Variants in PARS2 observed in about 807,000 individuals in gnomAD.
PARS2 encodes probable proline--tRNA ligase, mitochondrial.
In PARS2, 20 loss-of-function variants were observed where a neutral mutation model predicts 27.4. The ratio of observed to expected loss-of-function variants is 0.73; its 90% CI spans 0.51 to 1.06. The LOEUF (loss-of-function observed/expected upper bound fraction) is 1.06, where lower values mean the gene tolerates loss of function less well. Among genes scored for constraint, PARS2 ranks in the 50% least tolerant of loss-of-function variants. The pLI is 0.00. For missense variants in PARS2, 585 were observed against 602.1 expected (o/e 0.97, Z 0.30); for synonymous variants, 240 against 247.1 (o/e 0.97, Z 0.27).
At chr1:54,759,432 G>A (rs951067310) in intron 1 of PARS2, among the ~76,000 whole-genome samples, 4 of 152,158 alleles carry the variant, frequency 2.6e-5, no homozygotes, top group Admixed American at 6.5e-5. Flanking sequence ...GAGAGACAGC[G>A]TCATGTAGTG....
At position 54,761,178 on chromosome 1, in the gene PARS2, C is replaced by T. The variant is rs1646154785; in HGVS notation, c.-29-1988G>A. 7.2e-5 allele frequency among the ~76,000 whole-genome samples: 11 copies of T among 152,288 alleles called. No homozygotes were observed. In the South Asian group the frequency reaches 2.1e-3, roughly 29 times the overall value. Reference sequence around the variant, plus strand: ...TCCTCTAGGCCTCAGGATTACCATCCTCTCCCCAGGAAGCCTTTCTTGTCC... The same window carrying T: ...TCCTCTAGGCCTCAGGATTACCATCTTCTCCCCAGGAAGCCTTTCTTGTCC... On this transcript the variant is annotated intron_variant, in intron 1 of 1. Coordinates refer to ENST00000371279, the MANE Select transcript of PARS2 (RefSeq NM_152268.4).
chr1:54,762,690 G>T (rs1177933929), intron 1 of PARS2, among the ~76,000 whole-genome samples: 1 of 152,206 alleles, frequency 6.6e-6, no homozygotes, highest in Non-Finnish European at 1.5e-5. Context: ...ATTCAGCACA[G>T]TGCCTGGACA....
chr1:54,757,603 C>A lies in PARS2; in HGVS notation c.*131G>T. On this transcript the variant is annotated 3_prime_UTR_variant, in exon 2 of 2. Coordinates refer to ENST00000371279, the MANE Select transcript of PARS2 (RefSeq NM_152268.4). ...AAATGACTAGATAAAAATTGATTTCCCTAACATGATCTCACCCTCCATGAG... is the reference window on the plus strand; with the variant it reads ...AAATGACTAGATAAAAATTGATTTCACTAACATGATCTCACCCTCCATGAG... The A allele has an allele frequency of 1.7e-6, 1 of 604,764 alleles. No homozygotes were observed. Among genetic ancestry groups the A allele is most frequent in the Non-Finnish European group, 2.9e-6 (1 of 345,228 alleles). The allele number at this position is 604,764 out of a possible 1,614,324, so 37.5% of individuals were successfully genotyped here. A position where few individuals can be genotyped will look rare whatever the true frequency, so the allele number is the denominator to read the frequency against.
At chr1:54,763,535 A>C (rs1646168440) in intron 1 of PARS2, among the ~76,000 whole-genome samples, 1 of 152,206 alleles carries the variant, frequency 6.6e-6, no homozygotes, top group Non-Finnish European at 1.5e-5. Flanking sequence ...GCAATGATAT[A>C]ATTATCTGGA....
At chr1:54,763,270 T>C (rs774755433) in intron 1 of PARS2, among the ~76,000 whole-genome samples, 80 of 152,296 alleles carry the variant, frequency 5.3e-4, no homozygotes, top group Non-Finnish European at 8.2e-4. Flanking sequence ...AAAAATATTT[T>C]TGAGGAACTA....
intron 1 of PARS2, among the ~76,000 whole-genome samples, chr1:54,762,134 TTG>T (rs1646161240): frequency 1.4e-5 from 2 of 142,748 alleles, no homozygotes; most frequent in South Asian, 5.1e-4. Context: ...GCTGGAGGGC[TTG>T]TTTTTTTTTT....
rs567621058 is a variant in PARS2 at position 54,763,982 on chromosome 1, C to T, written c.-30+479G>A. 2.0e-5 allele frequency among the ~76,000 whole-genome samples: 3 copies of T among 152,364 alleles called. No individual in the cohort carries two copies. In the East Asian group the frequency reaches 5.8e-4, roughly 29 times the overall value. The stretch of plus-strand genomic sequence containing the variant: ...CACAGCAAATAAGCGCAGGGTCGGG[C>T]CTGGAAGGCAAGGTCCCCGCCTCCA... On this transcript the variant is annotated intron_variant, in intron 1 of 1. Coordinates refer to ENST00000371279, the MANE Select transcript of PARS2 (RefSeq NM_152268.4).
At position 54,757,224 on chromosome 1, in the gene PARS2, G is replaced by T. The variant is rs985576853; in HGVS notation, c.*510C>A. 2.0e-5 allele frequency: 3 copies of T among 152,534 alleles called. No homozygotes were observed. Among genetic ancestry groups the T allele is most frequent in the Admixed American group, 2.0e-4 (3 of 15,292 alleles). 9.4% of individuals were successfully genotyped at this position (152,534 alleles called of 1,614,324 possible). ...TCACTAGTGAGTTGGCGGCAGTCAGGTCTCTTGATTCTTTTCCCCATACTC... is the reference window on the plus strand; with the variant it reads ...TCACTAGTGAGTTGGCGGCAGTCAGTTCTCTTGATTCTTTTCCCCATACTC... On this transcript the variant is annotated 3_prime_UTR_variant, in exon 2 of 2. Transcript: ENST00000371279.
At chr1:54,761,638 A>G (rs950272418) in intron 1 of PARS2, among the ~76,000 whole-genome samples, 2 of 152,188 alleles carry the variant, frequency 1.3e-5, no homozygotes, top group South Asian at 4.1e-4. Flanking sequence ...TTTTCAGCAC[A>G]GTCCATGCAA....
intron 1 of PARS2, among the ~76,000 whole-genome samples, chr1:54,761,677 G>A (rs888839032): frequency 9.9e-5 from 15 of 152,148 alleles, no homozygotes; most frequent in African/African-American, 3.1e-4. Flanking sequence ...GCTGGGTATG[G>A]GTTGCTGATT....
At chr1:54,764,003 C>A (rs189346379) in intron 1 of PARS2, among the ~76,000 whole-genome samples, 2 of 152,240 alleles carry the variant, frequency 1.3e-5, no homozygotes, top group Non-Finnish European at 2.9e-5. Flanking sequence ...AGGTCCCCGC[C>A]TCCAAATCCT....
chr1:54,763,891 T>C (rs571545031), intron 1 of PARS2, among the ~76,000 whole-genome samples: 1 of 152,316 alleles, frequency 6.6e-6, no homozygotes, highest in African/African-American at 2.4e-5. Context: ...AGTGCTATTA[T>C]TATTATTATT....
intron 1 of PARS2, 144 bp from the exon 2 acceptor site, chr1:54,759,334 G>C (rs1197884163): frequency 1.8e-6 from 1 of 565,810 alleles, no homozygotes. Context: ...TATCCTAGCA[G>C]ATCAAAGCAC....
chr1:54,759,012 G>A lies in PARS2; in HGVS notation c.150C>T (p.Asn50=), dbSNP rs756197119. 2 of 1,614,102 alleles carry A rather than the reference G, an allele frequency of 1.2e-6. No individual in the cohort carries two copies. The highest frequency in any genetic ancestry group is 1.7e-6 in the Non-Finnish European group (2 of 1,180,046). Residue 50 remains asparagine (N), a synonymous_variant, in exon 2 of 2, where the codon AAC becomes AAT. Transcript: ENST00000371279. ...GGGAGAGCACCCGGTCTTCCCGAAG[G>A]TTCTGTGGCTGGAACACACGAGACA... The part of the protein sequence containing the change: ...LLLSRVFQPQ[N]LREDRVLSLQ...
Position 54,758,721 on chromosome 1 carries a change from C to T in PARS2, c.441G>A (p.Arg147=). The T allele has an allele frequency of 1.9e-6, 3 of 1,614,200 alleles. No individual in the cohort carries two copies. Among genetic ancestry groups the T allele is most frequent in the South Asian group, 1.1e-5 (1 of 91,088 alleles). The change falls in exon 2 of 2, where the codon AGG becomes AGA. Residue 147 remains arginine, a synonymous_variant. Coordinates refer to ENST00000371279, the MANE Select transcript of PARS2 (RefSeq NM_152268.4). ...GTCCTAAGCAGTATTCCTTGCCATGCCTGTCTCTAAGTCTTAGCAGCTCTT... is the reference window on the plus strand; with the variant it reads ...GTCCTAAGCAGTATTCCTTGCCATGTCTGTCTCTAAGTCTTAGCAGCTCTT... The part of the protein sequence containing the change: ...MGKELLRLRD[R]HGKEYCLGPT...
rs974337489 is a variant in PARS2, at chr1:54,764,479, C to G, written c.-48G>C. On this transcript the variant is annotated 5_prime_UTR_variant, in exon 1 of 2. Transcript: ENST00000371279. ...CACCTACCGCAATCCCAGCCCACGC[C>G]TCCCGCAAGACCACCGCCGTGCCGG... 1.3e-5 allele frequency: 2 copies of G among 152,316 alleles called. No individual in the cohort carries two copies. The highest frequency in any genetic ancestry group is 4.8e-5 in the African/African-American group (2 of 41,476). 9.4% of individuals were successfully genotyped at this position (152,316 alleles called of 1,614,324 possible). A position where few individuals can be genotyped will look rare whatever the true frequency, so the allele number is the denominator to read the frequency against.
rs764189076 is a variant in PARS2, at chr1:54,758,497, G to A, written c.665C>T (p.Thr222Ile). 6.2e-7 allele frequency: 1 copy of A among 1,614,178 alleles called. No homozygotes were observed. Among genetic ancestry groups the A allele is most frequent in the East Asian group, 2.2e-5 (1 of 44,870 alleles). ...FDSSPEAAQQ[T>I]YSLVCDAYCS... ...GTAGGCATCACACACCAGGCTGTAG[G>A]TCTGCTGGGCAGCCTCTGGGGAGGA... The change falls in exon 2 of 2, where the codon ACC becomes ATC. Residue 222 changes from threonine to isoleucine, a missense_variant. Coordinates refer to ENST00000371279, the MANE Select transcript of PARS2 (RefSeq NM_152268.4).
chr1:54,758,400 T>G lies in PARS2; in HGVS notation c.762A>C (p.Thr254=). 1 of 1,614,212 alleles carries G rather than the reference T, an allele frequency of 6.2e-7. No individual in the cohort carries two copies. Among genetic ancestry groups the G allele is most frequent in the Non-Finnish European group, 8.5e-7 (1 of 1,180,034 alleles). ...CTGGGAGCTGGAACTCATGAGACAC[T>G]GTGCCCCCGATGGTGCCCACATCGG... The part of the protein sequence containing the change: ...VQADVGTIGG[T]VSHEFQLPVD... Residue 254 remains threonine, a synonymous_variant, in exon 2 of 2, where the codon ACA becomes ACC. Coordinates refer to ENST00000371279, the MANE Select transcript of PARS2 (RefSeq NM_152268.4).
chr1:54,763,653 C>T (rs1170824196), intron 1 of PARS2, among the ~76,000 whole-genome samples: 2 of 152,202 alleles, frequency 1.3e-5, no homozygotes, highest in Non-Finnish European at 2.9e-5. Flanking sequence ...CTCAGTTTTT[C>T]AGGAGCAATA....
Sources: gnomAD v4.1 joint callset for allele counts (sites outside exome capture counted in the v4.1 genomes callset) on GRCh38, gnomAD v4.1.1 for gene constraint, MANE v1.5 for transcripts, NCBI Gene and HGNC (gene_info 2026-07-23, HGNC 2026-07-21) for gene names.